The following MAK variants were observed in gnomAD, a reference collection of about 807,000 sequenced individuals.
The protein encoded by MAK is male germ cell associated kinase.
In MAK, 65 loss-of-function variants were observed where a neutral mutation model predicts 82.6. The observed-to-expected ratio is 0.79, with a 90% CI of 0.64 to 0.97. The LOEUF (loss-of-function observed/expected upper bound fraction) is 0.97, where lower values mean the gene tolerates loss of function less well. Ranked by LOEUF, MAK falls within the 50% of genes least tolerant of loss-of-function variation. MAK has a pLI of 0.00. For synonymous variants in MAK, 250 were observed against 274.2 expected, an observed-to-expected ratio of 0.91 and a Z score of 0.87; for missense variants, 703 against 780.2, an observed-to-expected ratio of 0.90 and a Z score of 1.18.
At position 10,802,023 on chromosome 6, in the gene MAK, T is replaced by C. The variant is rs754415973; in HGVS notation, c.700A>G (p.Met234Val). Reference protein sequence around the residue: ...WPEGYQLASSMNFRFPQCVPI... With the variant: ...WPEGYQLASSVNFRFPQCVPI... The stretch of plus-strand genomic sequence containing the variant: ...ACACACTGGGGAAAACGGAAGTTCA[T>C]AGAGGATGCCAGCTGGTATCCTTCT... Residue 234 changes from methionine (M) to valine (V), a missense_variant, in exon 8 of 15, where the codon ATG becomes GTG. Met to Val is a conservative substitution (Grantham distance 21, BLOSUM62 1). Coordinates refer to ENST00000354489, the MANE Select transcript of MAK (RefSeq NM_001242957.3). The C allele has an allele frequency of 9.3e-6, 15 of 1,614,132 alleles. No individual in the cohort carries two copies. Among genetic ancestry groups the C allele is most frequent in the African/African-American group, 1.3e-5 (1 of 75,050 alleles).
intron 10 of MAK, 65 bp downstream of exon 10, chr6:10,791,610 A>G: frequency 1.4e-6 from 2 of 1,450,970 alleles, no homozygotes; most frequent in Non-Finnish European, 1.9e-6. Context: ...ATGCATTTAT[A>G]TTTAATGAGT....
rs553591095 is a variant in MAK at position 10,764,562 on chromosome 6, G to A, written c.1837C>T (p.Arg613Cys). ...TTTTTTGCTGTAGGATTATAAGTAC[G>A]TCCTGAAAACTGCCCCCGACCAGTT... ...TKTGRGQFSGRTYNPTAKNLN... is the reference protein window; with the variant it reads ...TKTGRGQFSGCTYNPTAKNLN... Residue 613 changes from arginine (R) to cysteine (C), a missense_variant, in exon 15 of 15, where the codon CGT becomes TGT. Physicochemically the swap from Arg to Cys is radical, Grantham distance 180. Coordinates refer to ENST00000354489, the MANE Select transcript of MAK (RefSeq NM_001242957.3). 2.4e-5 allele frequency: 38 copies of A among 1,613,948 alleles called. No individual in the cohort carries two copies. The highest frequency in any genetic ancestry group is 5.0e-5 in the Admixed American group (3 of 60,006).
chr6:10,792,535 G>A (rs1414516174), intron 9 of MAK, among the ~76,000 whole-genome samples: 1 of 152,226 alleles, frequency 6.6e-6, no homozygotes, highest in African/African-American at 2.4e-5. Flanking sequence ...GACTGTCACA[G>A]AATGGAGGCA....
At chr6:10,813,120 ATATATATATATATAAATTTTTT>A (rs1777138409) in intron 5 of MAK, among the ~76,000 whole-genome samples, 41 of 1,590 alleles carry the variant, frequency 0.026, 3 homozygotes, top group South Asian at 0.045. Context: ...ATATATATAT[ATATATATATATATAAATTTTTT>A]TTTTTTTTTT....
At chr6:10,783,786 C>A (rs911833416) in intron 11 of MAK, among the ~76,000 whole-genome samples, 1 of 152,160 alleles carries the variant, frequency 6.6e-6, no homozygotes, top group South Asian at 2.1e-4. Flanking sequence ...TTTGGGAGGC[C>A]AAGGCGGGCG....
In MAK at chr6:10,830,862, C is replaced by A; in HGVS notation, c.-214G>T. On this transcript the variant is annotated 5_prime_UTR_variant, in exon 2 of 15. It removes an upstream start codon present in the reference 5' UTR. Transcript: ENST00000354489. ...GAATCGGGCAAGGAAACAACACTTC[C>A]ATTCTTATAAACACCCTAAAGAAAG... 1.8e-6 allele frequency: 1 copy of A among 570,696 alleles called. No individual in the cohort carries two copies. The highest frequency in any genetic ancestry group is 3.2e-6 in the Non-Finnish European group (1 of 314,746). The allele number at this position is 570,696 out of a possible 1,614,324, so 35.4% of individuals were successfully genotyped here.
At chr6:10,778,490 C>T (rs1206066792) in intron 11 of MAK, among the ~76,000 whole-genome samples, 1 of 152,184 alleles carries the variant, frequency 6.6e-6, no homozygotes, top group Non-Finnish European at 1.5e-5. Flanking sequence ...CAGTAGGATA[C>T]AACTCCCACA....
At chr6:10,779,110 A>G (rs925540738) in intron 11 of MAK, among the ~76,000 whole-genome samples, 1 of 140,656 alleles carries the variant, frequency 7.1e-6, no homozygotes, top group African/African-American at 2.7e-5. Flanking sequence ...CCTGGGCAAC[A>G]CAGCAACACT....
chr6:10,813,115 TATATATATATATATATATAAA>T (rs1200053500), intron 5 of MAK, among the ~76,000 whole-genome samples: 1,772 of 4,834 alleles, frequency 0.37, 468 homozygotes, highest in African/African-American at 0.41. Flanking sequence ...TATATATATA[TATATATATATATATATATAAA>T]TTTTTTTTTT....
Position 10,784,618 on chromosome 6 carries a change from G to GATCTAGCCCACCCTCTGCAC in MAK, c.1317-47_1317-46insGTGCAGAGGGTGGGCTAGAT, listed in dbSNP as rs1774345367. ...AGCATTACAGCACGAACAACGAGAG[G>GATCTAGCCCACCCTCTGCAC]ATCTCGCCCACCCTCTGCACATCTC... On this transcript the variant is annotated intron_variant, in intron 10 of 14. Coordinates refer to ENST00000354489, the MANE Select transcript of MAK (RefSeq NM_001242957.3). 13 of 1,336,036 alleles carry GATCTAGCCCACCCTCTGCAC rather than the reference G, an allele frequency of 9.7e-6. 1 individual carries two copies. In the South Asian group the frequency reaches 1.5e-4, roughly 15 times the overall value. The allele number at this position is 1,336,036 out of a possible 1,614,324, so 82.8% of individuals were successfully genotyped here.
At position 10,793,895 on chromosome 6, in the gene MAK, G is replaced by T. The variant is rs563654047; in HGVS notation, c.1144-2048C>A. Among the ~76,000 whole-genome samples, 2 of 152,154 alleles carry T rather than the reference G, an allele frequency of 1.3e-5. No individual in the cohort carries two copies. The highest frequency in any genetic ancestry group is 2.4e-5 in the African/African-American group (1 of 41,420). ...TGGTTTAGAATGTCGGAGGTGATTC[G>T]CCCTGCTCTATATTCCCTGCCTGCT... On this transcript the variant is annotated intron_variant, in intron 9 of 14. Coordinates refer to ENST00000354489, the MANE Select transcript of MAK (RefSeq NM_001242957.3). This position sits in a 1 kb window ranked among gnomAD's most constrained non-coding sequence, Gnocchi z 4.6.
At chr6:10,766,902 T>C (rs1342756705) in intron 14 of MAK, among the ~76,000 whole-genome samples, 1 of 148,030 alleles carries the variant, frequency 6.8e-6, no homozygotes. Context: ...TTTGTAAAAC[T>C]TTTTCAAGAG....
At chr6:10,771,434 C>T (rs1486099962) in intron 13 of MAK, among the ~76,000 whole-genome samples, 2 of 152,170 alleles carry the variant, frequency 1.3e-5, no homozygotes, top group African/African-American at 2.4e-5. Flanking sequence ...CTAGCAGGAG[C>T]TGCTGCACTG....
chr6:10,795,483 C>G (rs1561961659), intron 9 of MAK, among the ~76,000 whole-genome samples: 1 of 151,854 alleles, frequency 6.6e-6, no homozygotes, highest in Non-Finnish European at 1.5e-5. Flanking sequence ...TGGCTCATGC[C>G]TGTAATCCCA....
intron 14 of MAK, among the ~76,000 whole-genome samples, chr6:10,768,952 A>G (rs1176001269): frequency 6.6e-6 from 1 of 152,224 alleles, no homozygotes; most frequent in African/African-American, 2.4e-5. Flanking sequence ...GTTCATGCCT[A>G]TAATCCCAGA....
rs144411481 is a variant in MAK at position 10,802,424 on chromosome 6, G to A, written c.664-365C>T. 177 of 218,318 alleles carry A rather than the reference G, an allele frequency of 8.1e-4. 4 individuals carry two copies. In the East Asian group the frequency reaches 0.021, roughly 26 times the overall value. The allele number at this position is 218,318 out of a possible 1,614,324, so 13.5% of individuals were successfully genotyped here. On this transcript the variant is annotated intron_variant, in intron 7 of 14. Coordinates refer to ENST00000354489, the MANE Select transcript of MAK (RefSeq NM_001242957.3). ...GGGCTCAAAAGATCCTCCTACCTCA[G>A]ACTCCTGAGTAGCTGGGACTACAGG...
Position 10,803,847 on chromosome 6 carries a change from G to A in MAK, c.536C>T (p.Ser179Phe), listed in dbSNP as rs558155479. Residue 179 changes from serine (S) to phenylalanine (F), a missense_variant, in exon 7 of 15, where the codon TCT becomes TTT. Ser to Phe is a radical substitution (Grantham distance 155, BLOSUM62 -2). Transcript: ENST00000354489. ...EVLLRSSVYS[S>F]PIDVWAVGSI... The stretch of plus-strand genomic sequence containing the variant: ...TCCAACAGCCCACACATCAATGGGA[G>A]AACTATAAACTGAAGATCTCAGTAA... 1 of 1,614,048 alleles carries A rather than the reference G, an allele frequency of 6.2e-7. No individual in the cohort carries two copies. Among genetic ancestry groups the A allele is most frequent in the African/African-American group, 1.3e-5 (1 of 75,036 alleles).
chr6:10,808,241 T>C (rs1379577805), intron 6 of MAK, among the ~76,000 whole-genome samples: 1 of 152,168 alleles, frequency 6.6e-6, no homozygotes, highest in African/African-American at 2.4e-5. Flanking sequence ...ATGTGCTCTT[T>C]TTCTCTTTGG....
chr6:10,825,980 A>G (rs952894326), intron 2 of MAK, among the ~76,000 whole-genome samples: 3 of 152,182 alleles, frequency 2.0e-5, no homozygotes, highest in Non-Finnish European at 2.9e-5. Context: ...TCTGCTAATC[A>G]GCCAGTTCCA....
Sources: allele counts gnomAD v4.1 joint callset (sites outside exome capture counted in the v4.1 genomes callset), GRCh38; gene constraint gnomAD v4.1.1; non-coding constraint Gnocchi (gnomAD v3.1); transcripts MANE v1.5; gene names NCBI Gene and HGNC (gene_info 2026-07-23, HGNC 2026-07-21).